Variants in TRMT2B observed in about 807,000 individuals in gnomAD.
TRMT2B encodes the protein tRNA methyltransferase 2B, also known as tRNA (uracil-5-)-methyltransferase homolog B.
A neutral mutation model predicts 39.7 loss-of-function variants in TRMT2B; 34 were observed. The observed-to-expected ratio is 0.86, with a 90% CI of 0.65 to 1.14. TRMT2B has a LOEUF of 1.14. Among genes scored for constraint, TRMT2B ranks in the 50% most tolerant of loss-of-function variants. The pLI, the probability that TRMT2B is intolerant of heterozygous loss-of-function variation, is 0.00. For synonymous variants in TRMT2B, 132 were observed against 137.3 expected (o/e 0.96, Z 0.27); for missense variants, 318 against 377.2 (o/e 0.84, Z 1.30).
intron 7 of TRMT2B, 73 bp from the exon 8 acceptor site, chrX:101,023,689 T>C (rs111569027): frequency 2.9e-5 from 31 of 1,066,130 alleles, no homozygotes; most frequent in African/African-American, 1.1e-4. Context: ...GCTAGGTGAT[T>C]GTTTGTGTTA....
downstream of TRMT2B, among the ~76,000 whole-genome samples, chrX:101,008,560 T>A (rs1569467746): frequency 9.0e-6 from 1 of 110,538 alleles, no homozygotes; most frequent in African/African-American, 3.3e-5. Context: ...GGCGGAGAGG[T>A]TGCAGTGAGC....
At chrX:100,995,106 T>A in the TRMT2B span, among the ~76,000 whole-genome samples, 2 of 112,003 alleles carry the variant, frequency 1.8e-5, no homozygotes, top group African/African-American at 6.5e-5. Context: ...ATGACTGACT[T>A]AAGGGTCAAG....
the TRMT2B span, among the ~76,000 whole-genome samples, chrX:100,991,373 GT>G: frequency 2.5e-5 from 1 of 39,777 alleles, no homozygotes; most frequent in Non-Finnish European, 7.7e-5. Flanking sequence ...ACAGTGCTAA[GT>G]TTTTGTTTTG....
At chrX:100,978,056 A>C in the TRMT2B span, among the ~76,000 whole-genome samples, 1 of 112,044 alleles carries the variant, frequency 8.9e-6, no homozygotes, top group Admixed American at 9.4e-5. Flanking sequence ...TGGTAGTTCT[A>C]TGTTTAGTTT....
At position 101,051,695 on chromosome X, in the gene TRMT2B, T is replaced by C. The variant is rs2089109539; in HGVS notation, c.-468A>G. 1 of 754,763 alleles carries C rather than the reference T, an allele frequency of 1.3e-6. No homozygotes were observed. The highest frequency in any genetic ancestry group is 6.7e-5 in the South Asian group (1 of 14,897). The allele number at this position is 754,763 out of a possible 1,213,427, so 62.2% of individuals were successfully genotyped here. ...CTCCAGCCCCGCCTGCCTCCTCCAT[T>C]CCCCGCCCCGCGGACAGTTTGGCAT... On this transcript the variant is annotated 5_prime_UTR_variant, in exon 2 of 14. Coordinates refer to ENST00000372936, the MANE Select transcript of TRMT2B (RefSeq NM_024917.6).
At position 101,042,248 on chromosome X, in the gene TRMT2B, T is replaced by A. The variant is rs2088283061; in HGVS notation, c.42A>T (p.Arg14Ser). 8.3e-7 allele frequency: 1 copy of A among 1,210,451 alleles called. No homozygotes were observed. The highest frequency in any genetic ancestry group is 2.2e-5 in the Admixed American group (1 of 45,710). Reference sequence around the variant, plus strand: ...AGAGACCCACCATGGAGATGAAGTATCTGAGGCTGTGCAGTGGGACTCTTC... The same window carrying A: ...AGAGACCCACCATGGAGATGAAGTAACTGAGGCTGTGCAGTGGGACTCTTC... ...LKRRVPLHSL[R>S]YFISMVGLFS... The change falls in exon 3 of 14, where the codon AGA (arginine) becomes AGT (serine). Residue 14 changes from arginine (R) to serine (S), a missense_variant. Coordinates refer to ENST00000372936, the MANE Select transcript of TRMT2B (RefSeq NM_024917.6).
chrX:100,994,963 C>T, the TRMT2B span, among the ~76,000 whole-genome samples: 3 of 111,365 alleles, frequency 2.7e-5, no homozygotes, highest in African/African-American at 9.8e-5. Context: ...ATTGTTCTTT[C>T]CTCTCAATAA....
At chrX:100,991,863 G>C in the TRMT2B span, among the ~76,000 whole-genome samples, 4 of 110,646 alleles carry the variant, frequency 3.6e-5, no homozygotes, top group Non-Finnish European at 5.7e-5. Context: ...AAAAAAAGTG[G>C]ATCTCATGAA....
intron 13 of TRMT2B, among the ~76,000 whole-genome samples, chrX:101,011,263 C>G (rs1479406228): frequency 9.0e-6 from 1 of 111,527 alleles, no homozygotes; most frequent in Non-Finnish European, 1.9e-5. Flanking sequence ...ATGCTATAGC[C>G]TATTTCTCCT....
intron 7 of TRMT2B, among the ~76,000 whole-genome samples, chrX:101,033,946 G>C (rs948695757): frequency 6.4e-5 from 7 of 109,107 alleles, no homozygotes; most frequent in Admixed American, 2.0e-4. Flanking sequence ...GGGTTCAAGG[G>C]ATTCTCCTGC....
chrX:101,023,564 T>G lies in TRMT2B; in HGVS notation c.662A>C (p.His221Pro). Residue 221 changes from histidine to proline, a missense_variant, in exon 8 of 14, where the codon CAT (histidine) becomes CCT (proline). By Grantham distance (77) the His-to-Pro change is moderately conservative. Coordinates refer to ENST00000372936, the MANE Select transcript of TRMT2B (RefSeq NM_024917.6). ...GAGCTCACGCCAGTATCCACCTTCA[T>G]GAAATACAAGGCAGGGCTCCAATGG... is the stretch of plus-strand genomic sequence containing the variant. ...QSPLEPCLVF[H>P]EGGYWRELTV... The G allele has an allele frequency of 1.7e-6, 2 of 1,210,631 alleles. No individual in the cohort carries two copies. Among genetic ancestry groups the G allele is most frequent in the Non-Finnish European group, 2.2e-6 (2 of 894,569 alleles).
At chrX:101,022,410 C>G (rs1364275361) in intron 8 of TRMT2B, among the ~76,000 whole-genome samples, 1 of 110,852 alleles carries the variant, frequency 9.0e-6, no homozygotes, top group Non-Finnish European at 1.9e-5. Context: ...CAGTTGAGGT[C>G]AGGAGTTCCA....
the TRMT2B span, among the ~76,000 whole-genome samples, chrX:100,985,408 G>A: frequency 3.6e-5 from 4 of 111,889 alleles, no homozygotes; most frequent in African/African-American, 1.3e-4. Flanking sequence ...GATGATTTAG[G>A]AAGATAGCCC....
At chrX:101,022,746 T>C (rs781502936) in intron 8 of TRMT2B, among the ~76,000 whole-genome samples, 2 of 111,523 alleles carry the variant, frequency 1.8e-5, no homozygotes, top group South Asian at 3.8e-4. Flanking sequence ...ACAGTGAGCT[T>C]TGATTGCACC....
At chrX:100,986,768 T>C in the TRMT2B span, 1 of 1,079,427 alleles carries the variant, frequency 9.3e-7, no homozygotes, top group Admixed American at 2.5e-5. Flanking sequence ...TTCCACTCTT[T>C]TCCTCCCTCT....
chrX:101,007,915 C>T (rs1251307272), downstream of TRMT2B, among the ~76,000 whole-genome samples: 2 of 110,630 alleles, frequency 1.8e-5, no homozygotes, highest in African/African-American at 3.3e-5. Flanking sequence ...ATGACTATTG[C>T]AGCAATAACC....
At chrX:101,051,201 TC>T (rs1228299403) in intron 2 of TRMT2B, 49 bp downstream of exon 2, 6 of 700,861 alleles carry the variant, frequency 8.6e-6, no homozygotes, top group Non-Finnish European at 1.0e-5. Flanking sequence ...AGGCTAACTC[TC>T]CTGTGCTCAG....
the TRMT2B span, chrX:100,974,228 TG>T: frequency 9.2e-7 from 1 of 1,082,642 alleles, no homozygotes; most frequent in Non-Finnish European, 1.3e-6. Flanking sequence ...GATACTGGCG[TG>T]GGTCTCCCAT....
Position 101,010,282 on chromosome X carries a change from C to A in TRMT2B, c.*299G>T, listed in dbSNP as rs2086195731. On this transcript the variant is annotated 3_prime_UTR_variant, in exon 14 of 14. Transcript: ENST00000372936. ...CAAAAATTAGCCGGGCATGGTGGCACGCACCTTTAATCCTAGCTACTGGGG... is the reference window on the plus strand; with the variant it reads ...CAAAAATTAGCCGGGCATGGTGGCAAGCACCTTTAATCCTAGCTACTGGGG... The A allele has an allele frequency of 5.1e-6, 1 of 197,551 alleles. No homozygotes were observed. Among genetic ancestry groups the A allele is most frequent in the Non-Finnish European group, 9.3e-6 (1 of 107,372 alleles). 16.3% of individuals were successfully genotyped at this position (197,551 alleles called of 1,213,427 possible).
Sources: allele counts gnomAD v4.1 joint callset (sites outside exome capture counted in the v4.1 genomes callset), GRCh38; gene constraint gnomAD v4.1.1; transcripts MANE v1.5; gene names NCBI Gene and HGNC (gene_info 2026-07-23, HGNC 2026-07-21).